Variants in SAXO2 observed in about 807,000 individuals in gnomAD.
SAXO2 encodes stabilizer of axonemal microtubules 2, also known as family with sequence similarity 154, member B.
Under a neutral mutation model 18.7 loss-of-function variants are expected in SAXO2, and 17 were observed. The ratio of observed to expected loss-of-function variants is 0.91; its 90% CI spans 0.62 to 1.36. SAXO2 has a LOEUF of 1.36. SAXO2 is among the 40% of genes most tolerant of loss of function. The probability of loss-of-function intolerance (pLI) is 0.00; values close to 1 mark genes in which losing one functional copy is unlikely to be tolerated. For synonymous variants in SAXO2, 163 were observed against 181.2 expected, an observed-to-expected ratio of 0.90 and a Z score of 0.81; for missense variants, 486 against 562.6, an observed-to-expected ratio of 0.86 and a Z score of 1.38.
At chr15:82,274,213 A>G (rs1196109971) in intron 3 of SAXO2, among the ~76,000 whole-genome samples, 1 of 151,952 alleles carries the variant, frequency 6.6e-6, no homozygotes. Flanking sequence ...TTCCACTCCT[A>G]TGGTTGTAGT....
At chr15:82,273,149 A>C (rs892102918) in intron 3 of SAXO2, among the ~76,000 whole-genome samples, 1 of 152,076 alleles carries the variant, frequency 6.6e-6, no homozygotes, top group African/African-American at 2.4e-5. Flanking sequence ...CAAGTGATGC[A>C]CCCACTTCGG....
rs1476707687 is a variant in SAXO2, at chr15:82,284,213, C to T, written c.*1151C>T. On this transcript the variant is annotated 3_prime_UTR_variant, in exon 4 of 4. Coordinates refer to ENST00000682753, the MANE Select transcript of SAXO2 (RefSeq NM_001348699.2). Reference sequence around the variant, plus strand: ...TTTCAAATTAGGATAATTACTTACTCAATGCTCATTTTCTGGCCTGTAGCA... The same window carrying T: ...TTTCAAATTAGGATAATTACTTACTTAATGCTCATTTTCTGGCCTGTAGCA... 6.6e-6 allele frequency: 1 copy of T among 152,062 alleles called. No homozygotes were observed. Among genetic ancestry groups the T allele is most frequent in the Admixed American group, 6.6e-5 (1 of 15,266 alleles). 9.4% of individuals were successfully genotyped at this position (152,062 alleles called of 1,614,324 possible). A position where few individuals can be genotyped will look rare whatever the true frequency, so the allele number is the denominator to read the frequency against.
Position 82,271,742 on chromosome 15 carries a change from G to C in SAXO2, c.373G>C (p.Val125Leu). Residue 125 changes from valine (V) to leucine (L), a missense_variant, in exon 3 of 4, where the codon GTC becomes CTC. By Grantham distance (32) the Val-to-Leu change is conservative. Transcript: ENST00000682753. ...GTATAAAGTGCAGCCTGTGGCAATA[G>C]TCCGGCCTTTGGAGAGACAAGTTAA... ...NSYKVQPVAI[V>L]RPLERQVKKG... 1 of 1,614,136 alleles carries C rather than the reference G, an allele frequency of 6.2e-7. No individual in the cohort carries two copies. Among genetic ancestry groups the C allele is most frequent in the Non-Finnish European group, 8.5e-7 (1 of 1,179,998 alleles).
At chr15:82,265,298 C>T (rs567022651) in intron 1 of SAXO2, among the ~76,000 whole-genome samples, 54 of 152,204 alleles carry the variant, frequency 3.5e-4, no homozygotes, top group Middle Eastern at 3.4e-3. Context: ...CCCGCCACCA[C>T]GCCTGGCTAA....
intron 1 of SAXO2, among the ~76,000 whole-genome samples, chr15:82,263,691 A>G (rs959490886): frequency 6.6e-6 from 1 of 152,230 alleles, no homozygotes; most frequent in African/African-American, 2.4e-5. Flanking sequence ...ATAATTATAT[A>G]TAGATTAAAA....
intron 3 of SAXO2, chr15:82,272,034 T>C: frequency 2.3e-6 from 1 of 436,692 alleles, no homozygotes; most frequent in Non-Finnish European, 4.1e-6. Flanking sequence ...ATCTACTTTG[T>C]TAGTTTTCTG....
At chr15:82,264,762 G>T (rs1287640152) in intron 1 of SAXO2, 1 of 697,242 alleles carries the variant, frequency 1.4e-6, no homozygotes, top group Non-Finnish European at 2.6e-6. Flanking sequence ...CTCTTCCAAG[G>T]TCAAGAAGCT....
At chr15:82,272,572 C>T (rs759493725) in intron 3 of SAXO2, among the ~76,000 whole-genome samples, 3 of 152,108 alleles carry the variant, frequency 2.0e-5, no homozygotes, top group Admixed American at 6.5e-5. Flanking sequence ...GACAGAGTCT[C>T]GTTCTGTCAC....
At position 82,282,930 on chromosome 15, in the gene SAXO2, A is replaced by G. The variant is rs776311000; in HGVS notation, c.1245A>G (p.Val415=). ...TTGATGATGTAACCATGTACTCTGT[A>G]GAGTACACACCGAAAAGACAGGAAA... ...VPFDDVTMYS[V]EYTPKRQEIC... is the part of the protein sequence containing the mutation. Residue 415 remains valine (V), a synonymous_variant, in exon 4 of 4, where the codon GTA becomes GTG. Coordinates refer to ENST00000682753, the MANE Select transcript of SAXO2 (RefSeq NM_001348699.2). 1.2e-6 allele frequency: 2 copies of G among 1,614,152 alleles called. No homozygotes were observed. The highest frequency in any genetic ancestry group is 4.5e-5 in the East Asian group (2 of 44,870).
chr15:82,263,183 G>C (rs2075155935), intron 1 of SAXO2: 2 of 1,451,822 alleles, frequency 1.4e-6, no homozygotes, highest in Non-Finnish European at 1.8e-6. Flanking sequence ...ATGCCACCCG[G>C]GCCAGGTAAG....
At chr15:82,279,068 A>C (rs2141377887) in intron 3 of SAXO2, among the ~76,000 whole-genome samples, 1 of 152,282 alleles carries the variant, frequency 6.6e-6, no homozygotes, top group Middle Eastern at 3.4e-3. Flanking sequence ...GCAATCAATA[A>C]ATTTGAAAAC....
At chr15:82,274,386 G>A (rs1233637982) in intron 3 of SAXO2, among the ~76,000 whole-genome samples, 1 of 151,992 alleles carries the variant, frequency 6.6e-6, no homozygotes, top group Non-Finnish European at 1.5e-5. Context: ...TGCAGGTTTT[G>A]TAGATAACCT....
At chr15:82,272,380 T>C (rs1369516166) in intron 3 of SAXO2, among the ~76,000 whole-genome samples, 2 of 152,200 alleles carry the variant, frequency 1.3e-5, no homozygotes, top group South Asian at 2.1e-4. Flanking sequence ...TACCCCATGA[T>C]AGACAGTGCT....
chr15:82,271,958 G>C, intron 3 of SAXO2, 156 bp downstream of exon 3: 1 of 604,586 alleles, frequency 1.7e-6, no homozygotes, highest in Non-Finnish European at 2.8e-6. Flanking sequence ...GTATTGTATA[G>C]TAACAAAAGA....
chr15:82,265,630 A>G lies in SAXO2; in HGVS notation c.115A>G (p.Thr39Ala), dbSNP rs1313754625. The G allele has an allele frequency of 1.5e-5, 22 of 1,481,964 alleles. No homozygotes were observed. The highest frequency in any genetic ancestry group is 2.6e-5 in the East Asian group (1 of 38,676). The allele number at this position is 1,481,964 out of a possible 1,614,324, so 91.8% of individuals were successfully genotyped here. Reference sequence around the variant, plus strand: ...TGAAAATTCTGGGGTGTTTTGCCCTACAACTGAATATTTGGAAAAATATCC... The same window carrying G: ...TGAAAATTCTGGGGTGTTTTGCCCTGCAACTGAATATTTGGAAAAATATCC... Reference protein sequence around the residue: ...IYENSGVFCPTTEYLEKYPMY... With the variant: ...IYENSGVFCPATEYLEKYPMY... Residue 39 changes from threonine (T) to alanine (A), a missense_variant, in exon 2 of 4, where the codon ACA (threonine) becomes GCA (alanine). Physicochemically the swap from Thr to Ala is moderately conservative, Grantham distance 58. Coordinates refer to ENST00000682753, the MANE Select transcript of SAXO2 (RefSeq NM_001348699.2).
chr15:82,263,028 C>T, intron 1 of SAXO2, 96 bp downstream of exon 1: 1 of 1,539,850 alleles, frequency 6.5e-7, no homozygotes, highest in African/African-American at 1.4e-5. Context: ...TGAGAGTGGC[C>T]GTCCCCCGGA....
chr15:82,281,789 A>C (rs1473238673), intron 3 of SAXO2, among the ~76,000 whole-genome samples: 8 of 151,310 alleles, frequency 5.3e-5, no homozygotes, highest in Non-Finnish European at 1.2e-4. Context: ...AATCTCCTAA[A>C]CTCTGTCCTC....
At chr15:82,263,872 T>C (rs1472968664) in intron 1 of SAXO2, among the ~76,000 whole-genome samples, 2 of 152,136 alleles carry the variant, frequency 1.3e-5, no homozygotes, top group Non-Finnish European at 2.9e-5. Context: ...TTTTACTTCT[T>C]GTTTGTTTGT....
At chr15:82,266,531 T>C (rs569523459) in intron 2 of SAXO2, among the ~76,000 whole-genome samples, 1 of 152,230 alleles carries the variant, frequency 6.6e-6, no homozygotes, top group Admixed American at 6.5e-5. Context: ...TTCACTCTTT[T>C]ATGCTCCATT....
Sources: allele counts gnomAD v4.1 joint callset (sites outside exome capture counted in the v4.1 genomes callset), GRCh38; gene constraint gnomAD v4.1.1; transcripts MANE v1.5; gene names NCBI Gene and HGNC (gene_info 2026-07-23, HGNC 2026-07-21).